CNTNAP5: variants seen among roughly 807,000 people sequenced by gnomAD.
The protein encoded by CNTNAP5 is contactin associated protein family member 5, also known as contactin-associated protein-like 5.
CNTNAP5 carries 72 observed loss-of-function variants against 150.2 expected under a neutral mutation model. That is an observed-to-expected ratio of 0.48 (90% confidence interval 0.40 to 0.58). The LOEUF (loss-of-function observed/expected upper bound fraction) is 0.58, where lower values mean the gene tolerates loss of function less well. Among genes scored for constraint, CNTNAP5 ranks in the 20% least tolerant of loss-of-function variants. The pLI is 0.00. For missense variants in CNTNAP5, 1,636 were observed against 1,626.2 expected (o/e 1.01, Z -0.10); for synonymous variants, 672 against 619.8 (o/e 1.08, Z -1.25).
intron 17 of CNTNAP5, among the ~76,000 whole-genome samples, chr2:124,781,854 C>A (rs1681459936): frequency 6.6e-6 from 1 of 152,136 alleles, no homozygotes; most frequent in African/African-American, 2.4e-5. Context: ...CATCCTTTCA[C>A]AGATAAATTA....
intron 6 of CNTNAP5, among the ~76,000 whole-genome samples, chr2:124,453,220 A>G (rs1321613751): frequency 6.6e-6 from 1 of 152,216 alleles, no homozygotes; most frequent in East Asian, 1.9e-4. Flanking sequence ...AGATGCACTT[A>G]AAGAAATGCA....
intron 3 of CNTNAP5, among the ~76,000 whole-genome samples, chr2:124,408,641 G>T (rs932066351): frequency 6.6e-6 from 1 of 151,704 alleles, no homozygotes; most frequent in Non-Finnish European, 1.5e-5. Context: ...CACCTCACAA[G>T]GCAGGGTATT....
intron 11 of CNTNAP5, among the ~76,000 whole-genome samples, chr2:124,586,416 G>T (rs990483486): frequency 1.3e-5 from 2 of 152,148 alleles, no homozygotes; most frequent in Non-Finnish European, 2.9e-5. Context: ...AGCCAGGAGC[G>T]GGTGCTGGCC....
intron 3 of CNTNAP5, among the ~76,000 whole-genome samples, chr2:124,332,921 G>A (rs80241606): frequency 0.078 from 11,861 of 152,050 alleles, 581 homozygotes; most frequent in East Asian, 0.22. Flanking sequence ...AACTTTAGAA[G>A]CATTTGAGCT....
At chr2:124,756,758 G>C (rs897603215) in intron 14 of CNTNAP5, among the ~76,000 whole-genome samples, 2 of 152,076 alleles carry the variant, frequency 1.3e-5, no homozygotes, top group Non-Finnish European at 2.9e-5. Flanking sequence ...ACACACTGGG[G>C]CCTGTAGGAG....
intron 1 of CNTNAP5, among the ~76,000 whole-genome samples, chr2:124,152,993 G>A (rs1015790521): frequency 3.9e-5 from 6 of 152,122 alleles, no homozygotes; most frequent in African/African-American, 1.2e-4. Flanking sequence ...CATCCCTAGG[G>A]TTAGTTCTGC....
chr2:124,082,785 C>T (rs141376303), intron 1 of CNTNAP5, among the ~76,000 whole-genome samples: 14 of 152,304 alleles, frequency 9.2e-5, no homozygotes, highest in South Asian at 8.3e-4. Context: ...ATGAATGATC[C>T]ACATTCTGGA....
intron 6 of CNTNAP5, among the ~76,000 whole-genome samples, chr2:124,470,411 T>C (rs1693482002): frequency 3.3e-5 from 5 of 152,104 alleles, no homozygotes; most frequent in Admixed American, 3.3e-4. Context: ...CCACTTTTTA[T>C]GGGGTTGTTT....
intron 4 of CNTNAP5, among the ~76,000 whole-genome samples, chr2:124,430,012 A>G (rs945185327): frequency 7.2e-5 from 11 of 152,204 alleles, no homozygotes; most frequent in Non-Finnish European, 1.5e-4. Context: ...CATGAGATGC[A>G]TTGACGTGTT....
chr2:124,747,784 T>A (rs1680640101), intron 14 of CNTNAP5, among the ~76,000 whole-genome samples: 2 of 122,120 alleles, frequency 1.6e-5, no homozygotes, highest in East Asian at 2.4e-4. Flanking sequence ...CACTCCTAAC[T>A]CTTCTTTTTT....
intron 1 of CNTNAP5, among the ~76,000 whole-genome samples, chr2:124,083,233 A>G (rs1682599033): frequency 6.6e-6 from 1 of 152,214 alleles, no homozygotes; most frequent in South Asian, 2.1e-4. Flanking sequence ...CTGTAATCTC[A>G]GCTAGTCAGG....
At chr2:124,787,881 A>G (rs2104629863) in intron 17 of CNTNAP5, among the ~76,000 whole-genome samples, 1 of 152,332 alleles carries the variant, frequency 6.6e-6, no homozygotes, top group Admixed American at 6.5e-5. Flanking sequence ...CATTTGTCAG[A>G]CAAAGATTTA....
In CNTNAP5 at chr2:124,773,031, T is replaced by C; in HGVS notation, c.2752+14T>C. ...AGTTGTTTGTAGGTAGGGGACATCTTAAGGCTCCTTTTGTGCTAAACCCTG... is the reference window on the plus strand; with the variant it reads ...AGTTGTTTGTAGGTAGGGGACATCTCAAGGCTCCTTTTGTGCTAAACCCTG... On this transcript the variant is annotated intron_variant, in intron 17 of 23. Coordinates refer to ENST00000682447, the MANE Select transcript of CNTNAP5 (RefSeq NM_001367498.1). 1.2e-6 allele frequency: 2 copies of C among 1,606,592 alleles called. No homozygotes were observed. Among genetic ancestry groups the C allele is most frequent in the Admixed American group, 1.7e-5 (1 of 59,974 alleles).
intron 1 of CNTNAP5, among the ~76,000 whole-genome samples, chr2:124,056,700 C>T (rs775676517): frequency 6.6e-6 from 1 of 152,074 alleles, no homozygotes; most frequent in African/African-American, 2.4e-5. Context: ...CTACTCCTGC[C>T]ATGTGGTCAT....
intron 1 of CNTNAP5, among the ~76,000 whole-genome samples, chr2:124,158,457 C>T (rs750905792): frequency 1.3e-5 from 2 of 152,206 alleles, no homozygotes; most frequent in Non-Finnish European, 2.9e-5. Flanking sequence ...GCGTATGTCA[C>T]TTCAGTTGCT....
chr2:124,417,404 A>G, intron 3 of CNTNAP5, 39 bp from the exon 4 acceptor site: 1 of 1,594,634 alleles, frequency 6.3e-7, no homozygotes. Flanking sequence ...AAATTCCATG[A>G]TAGCACAGAC....
At chr2:124,670,021 A>G (rs540617884) in intron 13 of CNTNAP5, among the ~76,000 whole-genome samples, 82 of 151,870 alleles carry the variant, frequency 5.4e-4, no homozygotes, top group African/African-American at 1.9e-3. Flanking sequence ...CCATTTCACT[A>G]CTCACAGCGA....
chr2:124,868,191 T>G (rs780143505), intron 20 of CNTNAP5, among the ~76,000 whole-genome samples: 1 of 152,190 alleles, frequency 6.6e-6, no homozygotes, highest in Non-Finnish European at 1.5e-5. Flanking sequence ...GTGATCCTGG[T>G]GAAGGAATAG....
chr2:124,290,101 T>G (rs1055641718), intron 3 of CNTNAP5, among the ~76,000 whole-genome samples: 1 of 152,142 alleles, frequency 6.6e-6, no homozygotes, highest in Non-Finnish European at 1.5e-5. Context: ...GACTTCCCCT[T>G]GGAACTGCTG....
Sources: allele counts gnomAD v4.1 joint callset (sites outside exome capture counted in the v4.1 genomes callset), GRCh38; gene constraint gnomAD v4.1.1; transcripts MANE v1.5; gene names NCBI Gene and HGNC (gene_info 2026-07-23, HGNC 2026-07-21).